The following SORL1 variants were observed in gnomAD, a reference collection of about 807,000 sequenced individuals.
SORL1 encodes the protein sortilin related receptor 1.
In SORL1, 127 loss-of-function variants were observed where a neutral mutation model predicts 273.7. The observed-to-expected ratio is 0.46, with a 90% CI of 0.40 to 0.54. The LOEUF (loss-of-function observed/expected upper bound fraction) is 0.54. Among genes scored for constraint, SORL1 ranks in the 20% least tolerant of loss-of-function variants. The probability of loss-of-function intolerance (pLI) is 0.00; values close to 1 mark genes in which losing one functional copy is unlikely to be tolerated. For synonymous variants in SORL1, 1,031 were observed against 1,067.4 expected (o/e 0.97, Z 0.66); for missense variants, 2,494 against 2,846.1 (o/e 0.88, Z 2.81).
intron 2 of SORL1, among the ~76,000 whole-genome samples, chr11:121,475,163 G>A (rs1034186298): frequency 1.1e-4 from 16 of 152,116 alleles, no homozygotes; most frequent in African/African-American, 3.4e-4. Context: ...TGGGAGGATC[G>A]CTTGAACCTG....
At chr11:121,594,172 C>T (rs1182532919) in intron 31 of SORL1, among the ~76,000 whole-genome samples, 1 of 151,484 alleles carries the variant, frequency 6.6e-6, no homozygotes, top group Non-Finnish European at 1.5e-5. Context: ...GTAGAATCTT[C>T]CCTTTGGCAC....
Position 121,485,192 on chromosome 11 carries a change from G to A in SORL1, c.529-2840G>A, listed in dbSNP as rs376578036. Among the ~76,000 whole-genome samples the A allele has an allele frequency of 2.6e-5, 4 of 152,202 alleles. No individual in the cohort carries two copies. In the East Asian group the frequency reaches 5.8e-4, roughly 22 times the overall value. On this transcript the variant is annotated intron_variant, in intron 3 of 47. Coordinates refer to ENST00000260197, the MANE Select transcript of SORL1 (RefSeq NM_003105.6). ...CAAGGAGCCAGCAGAGGAGAATCAA[G>A]GCTTGAGATGATCAGGGGCTGGGGA...
In SORL1 at chr11:121,496,162, A is replaced by G. The variant is rs561592993; in HGVS notation, c.759-707A>G. On this transcript the variant is annotated intron_variant, in intron 5 of 47. Transcript: ENST00000260197. ...CCTGGAAGATGAAGACTTGAACTTGATGACAGAGGAGAGTAGGAATTGGAT... is the reference window on the plus strand; with the variant it reads ...CCTGGAAGATGAAGACTTGAACTTGGTGACAGAGGAGAGTAGGAATTGGAT... Among the ~76,000 whole-genome samples the G allele has an allele frequency of 2.0e-5, 3 of 152,348 alleles. No homozygotes were observed. In the East Asian group the frequency reaches 5.8e-4, roughly 29 times the overall value.
chr11:121,469,503 A>G (rs899300630), intron 1 of SORL1, among the ~76,000 whole-genome samples: 4 of 152,264 alleles, frequency 2.6e-5, no homozygotes, highest in African/African-American at 9.6e-5. Flanking sequence ...AAAGCTTCAC[A>G]ATGATACTTC....
At chr11:121,623,274 C>T (rs1863749444) in intron 45 of SORL1, among the ~76,000 whole-genome samples, 1 of 152,098 alleles carries the variant, frequency 6.6e-6, no homozygotes, top group Non-Finnish European at 1.5e-5. Context: ...TAAAGATTTG[C>T]AGGGAAGAGT....
chr11:121,455,752 G>A (rs1327326207), intron 1 of SORL1, among the ~76,000 whole-genome samples: 1 of 152,228 alleles, frequency 6.6e-6, no homozygotes, highest in Non-Finnish European at 1.5e-5. Flanking sequence ...CAGCACTGTG[G>A]GAGGCCGAGG....
At chr11:121,620,041 G>T in intron 43 of SORL1, 124 bp downstream of exon 43, 1 of 751,292 alleles carries the variant, frequency 1.3e-6, no homozygotes, top group Non-Finnish European at 2.3e-6. Context: ...TCAGCAGGAG[G>T]TCTCTCTCCC....
intron 11 of SORL1, among the ~76,000 whole-genome samples, chr11:121,530,223 T>C (rs750298488): frequency 1.6e-4 from 24 of 152,260 alleles, no homozygotes; most frequent in Non-Finnish European, 3.2e-4. Flanking sequence ...TACCCAGATA[T>C]TTACCATTTC....
At position 121,527,197 on chromosome 11, in the gene SORL1, A is replaced by ATT. The variant is rs34984204; in HGVS notation, c.1596+4218_1596+4219dup. 3.3e-3 allele frequency among the ~76,000 whole-genome samples: 491 copies of ATT among 148,458 alleles called. 3 individuals are homozygous for ATT. Among genetic ancestry groups the ATT allele is most frequent in the East Asian group, 0.021 (109 of 5,108 alleles). On this transcript the variant is annotated intron_variant, in intron 11 of 47. Transcript: ENST00000260197. ...TCCCTATTATCACTAGTTGTTGAGT[A>ATT]TTTTTTTTTTTATCATAATCAGATA...
At chr11:121,517,936 A>C (rs761048963) in intron 8 of SORL1, among the ~76,000 whole-genome samples, 1 of 152,230 alleles carries the variant, frequency 6.6e-6, no homozygotes, top group Non-Finnish European at 1.5e-5. Context: ...GAAATGAGCA[A>C]GTCTTTGAAC....
At chr11:121,487,196 A>C (rs1565312327) in intron 3 of SORL1, among the ~76,000 whole-genome samples, 1 of 152,146 alleles carries the variant, frequency 6.6e-6, no homozygotes, top group Non-Finnish European at 1.5e-5. Context: ...TTAGCCCTGG[A>C]CATGTCTGTC....
chr11:121,531,336 G>C (rs921285029), intron 11 of SORL1, among the ~76,000 whole-genome samples: 2 of 152,220 alleles, frequency 1.3e-5, no homozygotes, highest in African/African-American at 4.8e-5. Context: ...AGAGGTTGCA[G>C]TGAGCTGAGA....
chr11:121,517,038 C>A (rs1359646390), intron 8 of SORL1, among the ~76,000 whole-genome samples: 1 of 151,370 alleles, frequency 6.6e-6, no homozygotes, highest in Admixed American at 6.6e-5. Context: ...GGCGACAGAG[C>A]GAGACTCTGT....
rs1482228115 is a variant in SORL1 at position 121,554,692 on chromosome 11, T to A, written c.2440-495T>A. Among the ~76,000 whole-genome samples the A allele has an allele frequency of 6.6e-6, 1 of 152,152 alleles. No homozygotes were observed. The highest frequency in any genetic ancestry group is 1.5e-5 in the Non-Finnish European group (1 of 68,026). ...ATCTAGATTCCAACCCAACAGAAATTTCACAGTGCCTGGGTATTTGAGGGG... is the reference window on the plus strand; with the variant it reads ...ATCTAGATTCCAACCCAACAGAAATATCACAGTGCCTGGGTATTTGAGGGG... On this transcript the variant is annotated intron_variant, in intron 17 of 47. Coordinates refer to ENST00000260197, the MANE Select transcript of SORL1 (RefSeq NM_003105.6). The surrounding 1 kb of genome is among the most constrained non-coding windows in gnomAD (Gnocchi z 4.6).
At chr11:121,617,613 C>A (rs2134942405) in intron 41 of SORL1, among the ~76,000 whole-genome samples, 1 of 152,298 alleles carries the variant, frequency 6.6e-6, no homozygotes, top group South Asian at 2.1e-4. Flanking sequence ...TCCCATGGAT[C>A]CTGCAGCTCC....
At chr11:121,511,267 C>T (rs1205187057) in intron 6 of SORL1, among the ~76,000 whole-genome samples, 1 of 151,966 alleles carries the variant, frequency 6.6e-6, no homozygotes, top group Non-Finnish European at 1.5e-5. Context: ...AATACTCAGG[C>T]CTCCCAGCAG....
At chr11:121,539,689 C>T (rs1028677226) in intron 12 of SORL1, among the ~76,000 whole-genome samples, 2 of 151,278 alleles carry the variant, frequency 1.3e-5, no homozygotes, top group African/African-American at 4.9e-5. Flanking sequence ...CTAACGAAGT[C>T]TTTATTTCTT....
chr11:121,530,365 T>G (rs1862185404), intron 11 of SORL1, among the ~76,000 whole-genome samples: 1 of 152,222 alleles, frequency 6.6e-6, no homozygotes, highest in South Asian at 2.1e-4. Context: ...TTCCCTCTTT[T>G]GAAATTTCTG....
At chr11:121,457,625 T>G (rs1485060004) in intron 1 of SORL1, among the ~76,000 whole-genome samples, 1 of 152,208 alleles carries the variant, frequency 6.6e-6, no homozygotes, top group Non-Finnish European at 1.5e-5. Flanking sequence ...GATGATTACT[T>G]TTTTTCCAGG....
Sources: gnomAD v4.1 joint callset for allele counts (sites outside exome capture counted in the v4.1 genomes callset) on GRCh38, gnomAD v4.1.1 for gene constraint, Gnocchi (gnomAD v3.1) non-coding constraint, MANE v1.5 for transcripts, NCBI Gene and HGNC (gene_info 2026-07-23, HGNC 2026-07-21) for gene names.